COPS4: variants seen among roughly 807,000 people sequenced by gnomAD.
COPS4 encodes the protein COP9 signalosome complex subunit 4.
In COPS4, 8 loss-of-function variants were observed where a neutral mutation model predicts 55.1. The observed-to-expected ratio is 0.15, with a 90% CI of 0.09 to 0.26. The LOEUF (loss-of-function observed/expected upper bound fraction) is 0.26. Among genes scored for constraint, COPS4 ranks in the 10% least tolerant of loss-of-function variants. The pLI, the probability that COPS4 is intolerant of heterozygous loss-of-function variation, is 1.00. For synonymous variants in COPS4, 185 were observed against 165.7 expected (o/e 1.12, Z -0.90); for missense variants, 248 against 484.0 (o/e 0.51, Z 4.58).
chr4:83,045,543 T>C, intron 1 of COPS4, 83 bp from the exon 2 acceptor site: 3 of 1,073,740 alleles, frequency 2.8e-6, no homozygotes, highest in Admixed American at 1.9e-5. Context: ...CCAAGGTATG[T>C]AGAAATGAAT....
intron 9 of COPS4, among the ~76,000 whole-genome samples, chr4:83,069,912 G>T (rs552297699): frequency 6.6e-4 from 100 of 152,130 alleles, no homozygotes; most frequent in Non-Finnish European, 1.0e-3. Context: ...GGAACCTGAG[G>T]TTAGCAGTTA....
intron 8 of COPS4, among the ~76,000 whole-genome samples, chr4:83,067,588 T>A (rs1731321280): frequency 6.7e-6 from 1 of 149,318 alleles, no homozygotes; most frequent in South Asian, 2.2e-4. Flanking sequence ...AGTCTTGAAC[T>A]CCTGGTCCCA....
chr4:83,068,383 G>A, intron 8 of COPS4, 55 bp from the exon 9 acceptor site: 1 of 1,201,402 alleles, frequency 8.3e-7, no homozygotes, highest in Non-Finnish European at 1.2e-6. Context: ...CTTTTCATAT[G>A]TGAATAACTA....
chr4:83,047,430 C>CTGT (rs1730747480), intron 2 of COPS4, among the ~76,000 whole-genome samples: 1 of 40,226 alleles, frequency 2.5e-5, no homozygotes, highest in Non-Finnish European at 4.6e-5. Flanking sequence ...TGATGCATGC[C>CTGT]TGTAGTCCCA....
At chr4:83,072,054 TA>T (rs1731444239) in intron 9 of COPS4, among the ~76,000 whole-genome samples, 1 of 151,832 alleles carries the variant, frequency 6.6e-6, no homozygotes, top group Non-Finnish European at 1.5e-5. Flanking sequence ...GTGTCACAAA[TA>T]TTTTTTTCCA....
intron 9 of COPS4, among the ~76,000 whole-genome samples, chr4:83,073,915 C>T (rs1016180495): frequency 2.0e-5 from 3 of 151,728 alleles, no homozygotes; most frequent in Non-Finnish European, 4.4e-5. Flanking sequence ...TGATATCGCG[C>T]CACTGCACTC....
intron 9 of COPS4, among the ~76,000 whole-genome samples, chr4:83,072,838 T>G (rs13150268): frequency 0.18 from 27,913 of 152,142 alleles, 2,933 homozygotes; most frequent in East Asian, 0.33. Flanking sequence ...ATTTTAGTAT[T>G]GGTAAAGCAA....
At chr4:83,061,485 G>T (rs1158005309) in intron 6 of COPS4, among the ~76,000 whole-genome samples, 2 of 151,804 alleles carry the variant, frequency 1.3e-5, no homozygotes, top group Non-Finnish European at 1.5e-5. Flanking sequence ...TATCATTATG[G>T]CTATGTGTAT....
chr4:83,045,515 A>G (rs1438839607), intron 1 of COPS4, 111 bp from the exon 2 acceptor site: 4 of 744,306 alleles, frequency 5.4e-6, no homozygotes, highest in Non-Finnish European at 9.0e-6. Context: ...ACCACAAACT[A>G]TAGTACTATG....
Position 83,040,779 on chromosome 4 carries a change from G to C in COPS4, c.75-4847G>C, listed in dbSNP as rs1308340608. 4.7e-5 allele frequency among the ~76,000 whole-genome samples: 4 copies of C among 84,768 alleles called. No individual in the cohort carries two copies. The East Asian group carries it at 1.3e-3, about 27-fold the overall frequency. 55.6% of individuals were successfully genotyped at this position (84,768 alleles called of 152,430 possible). Reference sequence around the variant, plus strand: ...TGTTGGCTTTTTTTTTTTTTTTTTTGAGGGAGGGTTGGTCCAGTCGTTTAG... The same window carrying C: ...TGTTGGCTTTTTTTTTTTTTTTTTTCAGGGAGGGTTGGTCCAGTCGTTTAG... On this transcript the variant is annotated intron_variant, in intron 1 of 9. Transcript: ENST00000264389.
At chr4:83,068,642 C>T in intron 9 of COPS4, 120 bp downstream of exon 9, 2 of 644,042 alleles carry the variant, frequency 3.1e-6, no homozygotes, top group Non-Finnish European at 5.4e-6. Flanking sequence ...GAGCTTATTT[C>T]CCAAAGAAAT....
intron 9 of COPS4, 123 bp from the exon 10 acceptor site, chr4:83,075,174 A>T: frequency 2.7e-6 from 2 of 745,598 alleles, no homozygotes; most frequent in Non-Finnish European, 2.1e-6. Context: ...TCTGTTTTTT[A>T]GGTATTTAAA....
chr4:83,043,732 A>G lies in COPS4; in HGVS notation c.75-1894A>G, dbSNP rs930344544. Among the ~76,000 whole-genome samples, 3 of 152,178 alleles carry G rather than the reference A, an allele frequency of 2.0e-5. No individual in the cohort carries two copies. The South Asian group carries it at 6.2e-4, about 31-fold the overall frequency. ...AAAAATAACAAACCATTGAATGTAT[A>G]ACTTATCTGAAAGCATGCCCAGGGC... On this transcript the variant is annotated intron_variant, in intron 1 of 9. Coordinates refer to ENST00000264389, the MANE Select transcript of COPS4 (RefSeq NM_016129.3).
intron 1 of COPS4, among the ~76,000 whole-genome samples, chr4:83,039,618 T>G (rs1730508472): frequency 6.6e-6 from 1 of 152,172 alleles, no homozygotes; most frequent in Non-Finnish European, 1.5e-5. Context: ...AGTCTTGAGA[T>G]GTCTTCAGTT....
intron 9 of COPS4, among the ~76,000 whole-genome samples, chr4:83,069,915 A>G (rs1731378024): frequency 2.0e-5 from 3 of 152,098 alleles, no homozygotes; most frequent in South Asian, 4.2e-4. Flanking sequence ...ACCTGAGGTT[A>G]GCAGTTATTT....
chr4:83,036,393 CTGGTCAT>C (rs1730419924), intron 1 of COPS4, among the ~76,000 whole-genome samples: 1 of 152,194 alleles, frequency 6.6e-6, no homozygotes, highest in Non-Finnish European at 1.5e-5. Flanking sequence ...CTGTTCTAAC[CTGGTCAT>C]TGAAATTCTG....
At chr4:83,046,799 C>T (rs776668165) in intron 2 of COPS4, among the ~76,000 whole-genome samples, 21 of 152,164 alleles carry the variant, frequency 1.4e-4, no homozygotes, top group African/African-American at 2.2e-4. Context: ...GTGACTAGAA[C>T]GTATAGGTAC....
chr4:83,041,963 C>T (rs980007356), intron 1 of COPS4, among the ~76,000 whole-genome samples: 9 of 151,690 alleles, frequency 5.9e-5, no homozygotes, highest in African/African-American at 2.2e-4. Flanking sequence ...CTCCCAGGTT[C>T]AAGTGATTCT....
chr4:83,051,284 T>C (rs144447824), intron 4 of COPS4, among the ~76,000 whole-genome samples: 10 of 152,014 alleles, frequency 6.6e-5, no homozygotes, highest in African/African-American at 2.2e-4. Flanking sequence ...CCTGGTGATA[T>C]AGTATGGATA....
Sources: gnomAD v4.1 joint callset for allele counts (sites outside exome capture counted in the v4.1 genomes callset) on GRCh38, gnomAD v4.1.1 for gene constraint, MANE v1.5 for transcripts, NCBI Gene and HGNC (gene_info 2026-07-23, HGNC 2026-07-21) for gene names.